Variants in GRTP1 observed in about 807,000 individuals in gnomAD.
The protein encoded by GRTP1 is growth hormone-regulated TBC protein 1.
Under a neutral mutation model 38.1 loss-of-function variants are expected in GRTP1, and 56 were observed. The ratio of observed to expected loss-of-function variants is 1.47; its 90% confidence interval spans 1.19 to 1.84. The LOEUF (loss-of-function observed/expected upper bound fraction) is 1.84. GRTP1 is among the 40% of genes most tolerant of loss of function. The probability of loss-of-function intolerance (pLI) is 0.00; values close to 1 mark genes in which losing one functional copy is unlikely to be tolerated. For synonymous variants in GRTP1, 217 were observed against 189.5 expected (o/e 1.14, Z -1.19); for missense variants, 506 against 453.9 (o/e 1.11, Z -1.04).
At chr13:113,331,661 T>A (rs1409915459) in intron 5 of GRTP1, among the ~76,000 whole-genome samples, 1 of 143,452 alleles carries the variant, frequency 7.0e-6, no homozygotes, top group Non-Finnish European at 1.5e-5. Flanking sequence ...TTTTTTTTTT[T>A]TTTTTTTTTT....
chr13:113,337,261 C>T (rs2042967022), intron 5 of GRTP1, among the ~76,000 whole-genome samples: 1 of 152,210 alleles, frequency 6.6e-6, no homozygotes, highest in African/African-American at 2.4e-5. Context: ...TGCCACTGTA[C>T]TCCAGCCTGG....
At chr13:113,353,061 C>T (rs2043315117) in intron 3 of GRTP1, among the ~76,000 whole-genome samples, 1 of 149,664 alleles carries the variant, frequency 6.7e-6, no homozygotes, top group Non-Finnish European at 1.5e-5. Flanking sequence ...AAAGCAGGGA[C>T]CCAGCCCCAC....
chr13:113,338,127 C>A (rs867736701), intron 5 of GRTP1, among the ~76,000 whole-genome samples: 1 of 152,192 alleles, frequency 6.6e-6, no homozygotes, highest in Non-Finnish European at 1.5e-5. Context: ...CGGCAGGGCC[C>A]GGTCAACCTC....
intron 5 of GRTP1, among the ~76,000 whole-genome samples, chr13:113,336,300 T>TC (rs2042953026): frequency 4.6e-5 from 1 of 21,824 alleles, no homozygotes; most frequent in Non-Finnish European, 3.5e-4. Context: ...ATAAGGTAGT[T>TC]TTTTTTTTTT....
intron 2 of GRTP1, among the ~76,000 whole-genome samples, chr13:113,361,240 A>G (rs1417431939): frequency 6.8e-6 from 1 of 147,566 alleles, no homozygotes; most frequent in Non-Finnish European, 1.5e-5. Flanking sequence ...AGCAAAAACA[A>G]AACTGTTGAC....
At position 113,351,003 on chromosome 13, in the gene GRTP1, G is replaced by A. The variant is rs755789945; in HGVS notation, c.341-30C>T. The A allele has an allele frequency of 2.0e-5, 33 of 1,611,684 alleles. No individual in the cohort carries two copies. The Admixed American group carries it at 5.0e-4, about 24-fold the overall frequency. On this transcript the variant is annotated intron_variant, in intron 3 of 7. Coordinates refer to ENST00000375431, the MANE Select transcript of GRTP1 (RefSeq NM_024719.4). ...GGGAAATTCAGAAGGAATCACCCACGGGTTTCTGTTCCACAAGCCTCCCAC... is the reference window on the plus strand; with the variant it reads ...GGGAAATTCAGAAGGAATCACCCACAGGTTTCTGTTCCACAAGCCTCCCAC...
At chr13:113,333,988 C>G (rs1476715782) in intron 5 of GRTP1, among the ~76,000 whole-genome samples, 2 of 151,768 alleles carry the variant, frequency 1.3e-5, no homozygotes. Flanking sequence ...GTGTGCGCCA[C>G]CATGCCTGGC....
intron 3 of GRTP1, among the ~76,000 whole-genome samples, chr13:113,353,346 G>A (rs1296970555): frequency 2.0e-5 from 3 of 152,258 alleles, no homozygotes; most frequent in Admixed American, 6.5e-5. Flanking sequence ...CAGCCGTGCG[G>A]CAGGAGAGCC....
chr13:113,355,025 A>G (rs7319994), intron 3 of GRTP1: 17,896 of 300,244 alleles, frequency 0.06, 680 homozygotes, highest in African/African-American at 0.12. Flanking sequence ...TGCGAAGCGC[A>G]CCGGCAACAG....
intron 5 of GRTP1, among the ~76,000 whole-genome samples, chr13:113,331,674 T>TA (rs2042873293): frequency 7.4e-6 from 1 of 135,638 alleles, no homozygotes; most frequent in Non-Finnish European, 1.6e-5. Context: ...TTTTTTTTTT[T>TA]AGACAGAGTC....
chr13:113,330,037 G>C (rs760839402), intron 5 of GRTP1, among the ~76,000 whole-genome samples: 49 of 150,296 alleles, frequency 3.3e-4, no homozygotes, highest in Non-Finnish European at 6.1e-4. Context: ...GGAAACCCAG[G>C]TGCCTGCATG....
chr13:113,336,679 A>ATGT (rs1176207298), intron 5 of GRTP1, among the ~76,000 whole-genome samples: 2 of 152,084 alleles, frequency 1.3e-5, no homozygotes, highest in African/African-American at 4.8e-5. Context: ...ACGAGACCCC[A>ATGT]CCTGATGTCC....
At chr13:113,362,285 G>A (rs1232854851) in intron 2 of GRTP1, among the ~76,000 whole-genome samples, 1 of 150,250 alleles carries the variant, frequency 6.7e-6, no homozygotes, top group African/African-American at 2.5e-5. Flanking sequence ...AGCTGAGATC[G>A]CACCACTGCA....
In GRTP1 at chr13:113,352,337, T is replaced by TTATATA. The variant is rs369351829; in HGVS notation, c.341-1370_341-1365dup. Among the ~76,000 whole-genome samples, 132 of 51,524 alleles carry TTATATA rather than the reference T, an allele frequency of 2.6e-3. 2 individuals are homozygous for TTATATA. Among genetic ancestry groups the TTATATA allele is most frequent in the East Asian group, 0.019 (36 of 1,914 alleles). The allele number at this position is 51,524 out of a possible 152,430, so 33.8% of individuals were successfully genotyped here. ...TTTTATATATATTTTTATATATATT[T>TTATATA]TATATATATATTTATATATATTTTA... On this transcript the variant is annotated intron_variant, in intron 3 of 7. Coordinates refer to ENST00000375431, the MANE Select transcript of GRTP1 (RefSeq NM_024719.4).
Position 113,335,006 on chromosome 13 carries a change from T to C in GRTP1, c.563-8915A>G, listed in dbSNP as rs187476954. ...CCCGGCTAATTTTTTGTATTTTTAG[T>C]AGACACGGGGTTTCACTGTGTTAGC... On this transcript the variant is annotated intron_variant, in intron 5 of 7. Transcript: ENST00000375431. Among the ~76,000 whole-genome samples the C allele has an allele frequency of 3.3e-5, 5 of 151,870 alleles. No homozygotes were observed. In the East Asian group the frequency reaches 7.9e-4, roughly 24 times the overall value.
rs201011333 is a variant in GRTP1 at position 113,324,508 on chromosome 13, G to A, written c.991C>T (p.Arg331Trp). ...VAKLRESCRARLLAQG is the reference protein window; with the variant it reads ...VAKLRESCRAWLLAQG The stretch of plus-strand genomic sequence containing the variant: ...CACGCTCACCCCTGTGCCAGCAGCC[G>A]GGCCCTGCAGCTCTCGCGGAGCTTG... Residue 331 changes from arginine to tryptophan, a missense_variant, in exon 8 of 8, where the codon CGG becomes TGG. Arg to Trp is a moderately radical substitution (Grantham distance 101). Transcript: ENST00000375431. The A allele has an allele frequency of 5.9e-5, 95 of 1,610,842 alleles. No individual in the cohort carries two copies. The highest frequency in any genetic ancestry group is 8.4e-5 in the Admixed American group (5 of 59,684).
intron 5 of GRTP1, among the ~76,000 whole-genome samples, chr13:113,336,568 G>C (rs994666716): frequency 6.6e-6 from 1 of 151,786 alleles, no homozygotes; most frequent in African/African-American, 2.4e-5. Flanking sequence ...GGTGAGGGGG[G>C]CTGGCTTCAG....
At chr13:113,359,210 A>G (rs1416585418) in intron 2 of GRTP1, among the ~76,000 whole-genome samples, 1 of 152,214 alleles carries the variant, frequency 6.6e-6, no homozygotes, top group Non-Finnish European at 1.5e-5. Flanking sequence ...GGAAGAGCTC[A>G]GTGATGTGAG....
chr13:113,329,447 C>G (rs555379957), intron 5 of GRTP1, among the ~76,000 whole-genome samples: 5 of 151,080 alleles, frequency 3.3e-5, no homozygotes, highest in South Asian at 4.2e-4. Flanking sequence ...GCGTGGTGGC[C>G]AGCACCTGTA....
Sources: gnomAD v4.1 joint callset for allele counts (sites outside exome capture counted in the v4.1 genomes callset) on GRCh38, gnomAD v4.1.1 for gene constraint, MANE v1.5 for transcripts, NCBI Gene and HGNC (gene_info 2026-07-23, HGNC 2026-07-21) for gene names.